Variants in SGCZ observed in about 807,000 individuals in gnomAD.
SGCZ encodes the protein zeta-sarcoglycan.
In SGCZ, 40 loss-of-function variants were observed where a neutral mutation model predicts 41.3. That is an observed-to-expected ratio of 0.97 (90% CI 0.75 to 1.26). SGCZ has a LOEUF of 1.26. Ranked by LOEUF, SGCZ falls within the 50% of genes most tolerant of loss-of-function variation. The pLI, the probability that SGCZ is intolerant of heterozygous loss-of-function variation, is 0.00. For missense variants in SGCZ, 552 were observed against 369.8 expected (o/e 1.49, Z -4.04); for synonymous variants, 206 against 137.5 (o/e 1.50, Z -3.49).
intron 1 of SGCZ, among the ~76,000 whole-genome samples, chr8:15,102,827 A>T (rs570622938): frequency 6.6e-6 from 1 of 152,286 alleles, no homozygotes; most frequent in South Asian, 2.1e-4. Context: ...TACATTTCTA[A>T]TGAATCTTAT....
intron 1 of SGCZ, among the ~76,000 whole-genome samples, chr8:14,816,318 T>A (rs994116643): frequency 2.6e-5 from 4 of 152,204 alleles, no homozygotes; most frequent in African/African-American, 9.7e-5. Flanking sequence ...GAGGAAACAT[T>A]ACCAGCCCAC....
chr8:14,277,924 CAGAG>C (rs914197199), intron 3 of SGCZ, among the ~76,000 whole-genome samples: 2 of 151,966 alleles, frequency 1.3e-5, no homozygotes, highest in Non-Finnish European at 2.9e-5. Flanking sequence ...GAAAAAGAGA[CAGAG>C]AGAGAGACAG....
In SGCZ at chr8:15,237,912, G is replaced by A. The variant is rs1802193648; in HGVS notation, c.-289C>T. Reference sequence around the variant, plus strand: ...TTGAAACAGGGGCCAAAAGAAAAAAGGAAAAAAAAATCCACTCTATTTAAG... The same window carrying A: ...TTGAAACAGGGGCCAAAAGAAAAAAAGAAAAAAAAATCCACTCTATTTAAG... On this transcript the variant is annotated 5_prime_UTR_variant, in exon 1 of 8. Transcript: ENST00000382080. 7 of 324,360 alleles carry A rather than the reference G, an allele frequency of 2.2e-5. No homozygotes were observed. The highest frequency in any genetic ancestry group is 2.8e-5 in the Non-Finnish European group (5 of 178,572). The allele number at this position is 324,360 out of a possible 1,614,324, so 20.1% of individuals were successfully genotyped here.
chr8:14,427,900 TACA>T (rs1479778049), intron 2 of SGCZ, among the ~76,000 whole-genome samples: 5 of 152,080 alleles, frequency 3.3e-5, no homozygotes, highest in Non-Finnish European at 5.9e-5. Flanking sequence ...TAAAAAACAG[TACA>T]ACAACCATTT....
chr8:14,331,552 T>A (rs12545298), intron 2 of SGCZ, among the ~76,000 whole-genome samples: 1 of 152,042 alleles, frequency 6.6e-6, no homozygotes, highest in Non-Finnish European at 1.5e-5. Flanking sequence ...TATCAGGAAA[T>A]AAACTCTATA....
chr8:14,440,256 G>C (rs1349584461), intron 2 of SGCZ, among the ~76,000 whole-genome samples: 31 of 151,946 alleles, frequency 2.0e-4, no homozygotes, highest in Non-Finnish European at 4.4e-5. Flanking sequence ...AGCTCTATTT[G>C]ACTTGGGAAA....
At chr8:14,624,339 C>T (rs1289430515) in intron 1 of SGCZ, among the ~76,000 whole-genome samples, 1 of 151,876 alleles carries the variant, frequency 6.6e-6, no homozygotes, top group African/African-American at 2.4e-5. Context: ...TTTCCTCGGC[C>T]AACTTAGTTA....
rs115059921 is a variant in SGCZ at position 14,353,130 on chromosome 8, C to T, written c.235-28926G>A. On this transcript the variant is annotated intron_variant, in intron 2 of 7. Coordinates refer to ENST00000382080, the MANE Select transcript of SGCZ (RefSeq NM_139167.4). ...GATTTCTATGACCTTGGGCAAGTTA[C>T]CCAACTTCTCTGTGACTAAGTTTCT... is the stretch of plus-strand genomic sequence containing the variant. 8.0e-3 allele frequency among the ~76,000 whole-genome samples: 1,218 copies of T among 152,012 alleles called. 14 individuals are homozygous for T. The highest frequency in any genetic ancestry group is 0.027 in the African/African-American group (1,114 of 41,456).
intron 1 of SGCZ, among the ~76,000 whole-genome samples, chr8:14,831,771 TAC>T (rs773118501): frequency 1.3e-4 from 19 of 146,440 alleles, no homozygotes; most frequent in Non-Finnish European, 2.5e-4. Context: ...TATACATATA[TAC>T]ACACACGTAT....
intron 1 of SGCZ, among the ~76,000 whole-genome samples, chr8:14,920,465 G>C (rs557624233): frequency 6.6e-6 from 1 of 152,128 alleles, no homozygotes; most frequent in Admixed American, 6.5e-5. Context: ...ATGGAGTTGG[G>C]ATAATAAAAA....
intron 1 of SGCZ, among the ~76,000 whole-genome samples, chr8:15,030,829 G>C (rs968677953): frequency 4.6e-5 from 7 of 152,108 alleles, no homozygotes; most frequent in Non-Finnish European, 7.4e-5. Flanking sequence ...GGGCTTCCCA[G>C]AAGAAGGGCT....
intron 1 of SGCZ, among the ~76,000 whole-genome samples, chr8:14,613,290 T>A (rs1426967768): frequency 6.6e-6 from 1 of 152,228 alleles, no homozygotes; most frequent in African/African-American, 2.4e-5. Flanking sequence ...CATAACATAA[T>A]GTCACCTATT....
chr8:14,628,247 A>C (rs2117389692), intron 1 of SGCZ, among the ~76,000 whole-genome samples: 1 of 152,260 alleles, frequency 6.6e-6, no homozygotes. Context: ...ATCATGAAAA[A>C]GCTTGAACAA....
chr8:14,258,269 A>G (rs1799535083), intron 3 of SGCZ, among the ~76,000 whole-genome samples: 1 of 152,088 alleles, frequency 6.6e-6, no homozygotes, highest in Non-Finnish European at 1.5e-5. Flanking sequence ...TGAGTTTCTC[A>G]GGACATTAAA....
intron 1 of SGCZ, among the ~76,000 whole-genome samples, chr8:15,015,819 C>T (rs1803011765): frequency 6.6e-6 from 1 of 151,166 alleles, no homozygotes; most frequent in African/African-American, 2.4e-5. Context: ...TTTCCAATCC[C>T]TCCCTTCTAG....
intron 2 of SGCZ, among the ~76,000 whole-genome samples, chr8:14,521,522 C>A (rs1476873864): frequency 6.6e-6 from 1 of 152,040 alleles, no homozygotes; most frequent in Non-Finnish European, 1.5e-5. Context: ...TTCCACAGTG[C>A]CAATGTACCC....
At chr8:14,115,132 A>G (rs1802485166) in intron 5 of SGCZ, among the ~76,000 whole-genome samples, 2 of 151,998 alleles carry the variant, frequency 1.3e-5, no homozygotes, top group Admixed American at 1.3e-4. Context: ...ATTCTCAGGA[A>G]ATAGTTAATT....
chr8:14,666,833 G>A (rs560655299), intron 1 of SGCZ, among the ~76,000 whole-genome samples: 1 of 151,974 alleles, frequency 6.6e-6, no homozygotes, highest in Non-Finnish European at 1.5e-5. Flanking sequence ...GGGGGAGTGA[G>A]GTAGTAACTC....
rs115596358 is a variant in SGCZ at position 14,892,906 on chromosome 8, T to C, written c.40-337980A>G. Reference sequence around the variant, plus strand: ...AATCAGGATATGATTGGGCACTGCTTAGACCAAGAAGTTTGCACACCAGAA... The same window carrying C: ...AATCAGGATATGATTGGGCACTGCTCAGACCAAGAAGTTTGCACACCAGAA... On this transcript the variant is annotated intron_variant, in intron 1 of 7. Coordinates refer to ENST00000382080, the MANE Select transcript of SGCZ (RefSeq NM_139167.4). Among the ~76,000 whole-genome samples the C allele has an allele frequency of 9.0e-3, 1,377 of 152,262 alleles. 15 individuals carry two copies. Among genetic ancestry groups the C allele is most frequent in the African/African-American group, 0.031 (1,278 of 41,566 alleles).
Sources: allele counts gnomAD v4.1 joint callset (sites outside exome capture counted in the v4.1 genomes callset), GRCh38; gene constraint gnomAD v4.1.1; transcripts MANE v1.5; gene names NCBI Gene and HGNC (gene_info 2026-07-23, HGNC 2026-07-21).